Variants in SYT2 observed in about 807,000 individuals in gnomAD.
SYT2 encodes the protein synaptotagmin-2.
A neutral mutation model predicts 39.9 loss-of-function variants in SYT2; 15 were observed. That is an observed-to-expected ratio of 0.38 (90% CI 0.25 to 0.58). SYT2 has a LOEUF of 0.58. SYT2 is among the 20% of genes least tolerant of loss of function. SYT2 has a pLI of 0.70. For synonymous variants in SYT2, 181 were observed against 204.5 expected, an observed-to-expected ratio of 0.89 and a Z score of 0.98; for missense variants, 389 against 530.3, an observed-to-expected ratio of 0.73 and a Z score of 2.62.
chr1:202,651,506 C>T (rs1456412160), intron 1 of SYT2, among the ~76,000 whole-genome samples: 1 of 152,102 alleles, frequency 6.6e-6, no homozygotes, highest in Non-Finnish European at 1.5e-5. Context: ...TTCATTGACT[C>T]ATAAATCATA....
At chr1:202,602,119 T>C (rs1222689106) in intron 5 of SYT2, 62 bp from the exon 6 acceptor site, 77 of 1,418,798 alleles carry the variant, frequency 5.4e-5, no homozygotes, top group Middle Eastern at 2.2e-4. Context: ...AGGGGTGCTA[T>C]GGGCAGGGGC....
At chr1:202,670,416 T>C (rs1010336066) in intron 1 of SYT2, among the ~76,000 whole-genome samples, 2 of 152,168 alleles carry the variant, frequency 1.3e-5, no homozygotes, top group Non-Finnish European at 2.9e-5. Flanking sequence ...CTGAAAACTG[T>C]GGTGGGGCTT....
At chr1:202,618,114 C>T (rs551906926) in intron 1 of SYT2, among the ~76,000 whole-genome samples, 9 of 152,220 alleles carry the variant, frequency 5.9e-5, no homozygotes, top group Admixed American at 1.3e-4. Flanking sequence ...GTTGGCCAGG[C>T]TGGTCTCGAA....
At chr1:202,626,208 C>T (rs935327659) in intron 1 of SYT2, among the ~76,000 whole-genome samples, 5 of 151,964 alleles carry the variant, frequency 3.3e-5, no homozygotes, top group South Asian at 2.1e-4. Flanking sequence ...CTTACAGCCT[C>T]GGGGTTGGAA....
At chr1:202,618,154 C>T (rs1691098620) in intron 1 of SYT2, among the ~76,000 whole-genome samples, 1 of 151,996 alleles carries the variant, frequency 6.6e-6, no homozygotes, top group Non-Finnish European at 1.5e-5. Flanking sequence ...TGCCCACATT[C>T]AATAAATATG....
intron 1 of SYT2, among the ~76,000 whole-genome samples, chr1:202,609,052 A>AG (rs1690802271): frequency 9.1e-6 from 1 of 109,306 alleles, no homozygotes; most frequent in Non-Finnish European, 1.7e-5. Flanking sequence ...AACAGGCCCC[A>AG]GAGTGTGATG....
intron 1 of SYT2, among the ~76,000 whole-genome samples, chr1:202,624,850 TG>T (rs1691328443): frequency 2.3e-4 from 2 of 8,744 alleles, no homozygotes; most frequent in East Asian, 1.8e-3. Flanking sequence ...GTGTGTGGTG[TG>T]TAGTAGGGTG....
chr1:202,636,294 G>C, intron 1 of SYT2: 1 of 879,314 alleles, frequency 1.1e-6, no homozygotes, highest in Non-Finnish European at 1.4e-6. Context: ...TGGCCTCACT[G>C]GGAGAGCAGT....
intron 3 of SYT2, 23 bp from the exon 4 acceptor site, chr1:202,603,141 G>A (rs142187132): frequency 1.2e-6 from 2 of 1,613,714 alleles, no homozygotes; most frequent in East Asian, 2.2e-5. Context: ...GGGGAGAGAG[G>A]GAACAAGTTA....
intron 1 of SYT2, among the ~76,000 whole-genome samples, chr1:202,676,724 T>C (rs1434295951): frequency 2.0e-5 from 3 of 152,176 alleles, no homozygotes; most frequent in Admixed American, 1.3e-4. Context: ...ATGACAGGTA[T>C]AAAAAAGTAA....
At chr1:202,709,473 G>A (rs977410722) in intron 1 of SYT2, among the ~76,000 whole-genome samples, 1 of 152,228 alleles carries the variant, frequency 6.6e-6, no homozygotes, top group Non-Finnish European at 1.5e-5. Context: ...GGGGGAAGGA[G>A]CATAGGCAGG....
rs150619734 is a variant in SYT2, at chr1:202,655,992, C to A, written c.-17-50203G>T. On this transcript the variant is annotated intron_variant, in intron 1 of 8. Coordinates refer to ENST00000367268, the MANE Select transcript of SYT2 (RefSeq NM_177402.5). ...CTGTCTGAGCAGCAACAGGTGTGAC[C>A]CCAGGCCAAGAAATAAGGACCAGAA... 4.1e-3 allele frequency among the ~76,000 whole-genome samples: 619 copies of A among 152,140 alleles called. 3 individuals carry two copies. The highest frequency in any genetic ancestry group is 0.014 in the African/African-American group (588 of 41,466).
At chr1:202,611,058 T>G (rs1690872190) in intron 1 of SYT2, among the ~76,000 whole-genome samples, 1 of 152,216 alleles carries the variant, frequency 6.6e-6, no homozygotes, top group South Asian at 2.1e-4. Context: ...ATTATGTCTT[T>G]TTGTTTATAG....
chr1:202,603,071 C>A lies in SYT2; in HGVS notation c.393G>T (p.Gly131=). The change falls in exon 4 of 9, where the codon GGG becomes GGT. Residue 131 remains glycine, a synonymous_variant. Coordinates refer to ENST00000367268, the MANE Select transcript of SYT2 (RefSeq NM_177402.5). The part of the protein sequence containing the change: ...ETGLTEGEGE[G]EEEKEPENLG... ...GGTTCTCTGGCTCTTTCTCCTCCTC[C>A]CCTTCACCTTCCCCCTCAGTCAGGC... The A allele has an allele frequency of 6.2e-7, 1 of 1,614,154 alleles. No homozygotes were observed. The highest frequency in any genetic ancestry group is 8.5e-7 in the Non-Finnish European group (1 of 1,180,020).
At chr1:202,649,487 T>A (rs1692153190) in intron 1 of SYT2, among the ~76,000 whole-genome samples, 1 of 152,140 alleles carries the variant, frequency 6.6e-6, no homozygotes, top group Admixed American at 6.5e-5. Context: ...ACAAAAACAC[T>A]AGGAGAGAGG....
chr1:202,645,668 T>A (rs1271576472), intron 1 of SYT2, among the ~76,000 whole-genome samples: 2 of 152,198 alleles, frequency 1.3e-5, no homozygotes, highest in African/African-American at 4.8e-5. Flanking sequence ...TTCTGTAAGG[T>A]TATGTCTGCT....
chr1:202,636,308 C>T, intron 1 of SYT2: 2 of 964,854 alleles, frequency 2.1e-6, no homozygotes, highest in Non-Finnish European at 2.5e-6. Context: ...GAGCAGTCCA[C>T]TGGGTTTGGT....
At chr1:202,694,074 G>A (rs1475959199) in intron 1 of SYT2, among the ~76,000 whole-genome samples, 1 of 152,188 alleles carries the variant, frequency 6.6e-6, no homozygotes, top group Non-Finnish European at 1.5e-5. Context: ...CATTCATGAG[G>A]GATCTGACCC....
intron 1 of SYT2, among the ~76,000 whole-genome samples, chr1:202,660,557 T>C (rs144372944): frequency 1.8e-3 from 267 of 152,356 alleles, no homozygotes; most frequent in African/African-American, 6.2e-3. Context: ...CCAGAGATTT[T>C]GATTCAGCAA....
Sources: gnomAD v4.1 joint callset for allele counts (sites outside exome capture counted in the v4.1 genomes callset) on GRCh38, gnomAD v4.1.1 for gene constraint, MANE v1.5 for transcripts, NCBI Gene and HGNC (gene_info 2026-07-23, HGNC 2026-07-21) for gene names.